Variants in CD2AP observed in about 807,000 individuals in gnomAD.
CD2AP encodes CD2-associated protein.
CD2AP carries 46 observed loss-of-function variants against 85.1 expected under a neutral mutation model. The observed-to-expected ratio is 0.54, with a 90% CI of 0.43 to 0.69. The LOEUF (loss-of-function observed/expected upper bound fraction) is 0.69. Among genes scored for constraint, CD2AP ranks in the 30% least tolerant of loss-of-function variants. The pLI, the probability that CD2AP is intolerant of heterozygous loss-of-function variation, is 0.00. For missense variants in CD2AP, 769 were observed against 729.5 expected, an observed-to-expected ratio of 1.05 and a Z score of -0.62; for synonymous variants, 255 against 252.9, an observed-to-expected ratio of 1.01 and a Z score of -0.08.
At chr6:47,586,183 A>C (rs1768625744) in intron 11 of CD2AP, among the ~76,000 whole-genome samples, 1 of 152,214 alleles carries the variant, frequency 6.6e-6, no homozygotes, top group African/African-American at 2.4e-5. Flanking sequence ...AAAAAGGTAG[A>C]AGAAAATGTG....
At chr6:47,614,278 C>G (rs1036468655) in intron 17 of CD2AP, among the ~76,000 whole-genome samples, 5 of 152,206 alleles carry the variant, frequency 3.3e-5, no homozygotes, top group African/African-American at 1.2e-4. Flanking sequence ...ACATTGCCTT[C>G]CTCTCTGAGC....
At chr6:47,609,440 A>AC (rs1769366512) in intron 16 of CD2AP, 136 bp downstream of exon 16, 2 of 686,530 alleles carry the variant, frequency 2.9e-6, no homozygotes, top group Admixed American at 4.3e-5. Context: ...ACTTTGGGAG[A>AC]CCAAGTTTGG....
At chr6:47,562,644 A>G (rs377249077) in intron 5 of CD2AP, 4 of 494,990 alleles carry the variant, frequency 8.1e-6, no homozygotes, top group South Asian at 3.2e-5. Flanking sequence ...GTTGCTGGAG[A>G]TGTAATGGAT....
intron 3 of CD2AP, among the ~76,000 whole-genome samples, chr6:47,535,944 T>C (rs1024843484): frequency 2.0e-5 from 3 of 152,196 alleles, no homozygotes; most frequent in African/African-American, 7.2e-5. Flanking sequence ...ATTTTTTCAC[T>C]TTCTCTTCTA....
At chr6:47,602,516 T>C (rs533503109) in intron 13 of CD2AP, among the ~76,000 whole-genome samples, 83 of 152,238 alleles carry the variant, frequency 5.5e-4, no homozygotes, top group Middle Eastern at 3.4e-3. Context: ...ATAGCTGTTA[T>C]ATTAAGAAAG....
chr6:47,522,456 A>G (rs1275126214), intron 2 of CD2AP, among the ~76,000 whole-genome samples: 1 of 152,164 alleles, frequency 6.6e-6, no homozygotes, highest in Non-Finnish European at 1.5e-5. Flanking sequence ...TGCTGCTTTA[A>G]AAAATAAGTG....
chr6:47,478,213 G>A lies in CD2AP; in HGVS notation c.-32G>A. On this transcript the variant is annotated 5_prime_UTR_variant, in exon 1 of 18. Transcript: ENST00000359314. ...CACTGGAGGAGGAGGAGGAGGAGCG[G>A]ACGTCGGCTTCTCCCCGCGGGAGCC... 1.9e-6 allele frequency: 3 copies of A among 1,565,524 alleles called. No homozygotes were observed. The highest frequency in any genetic ancestry group is 2.6e-6 in the Non-Finnish European group (3 of 1,155,724).
intron 17 of CD2AP, among the ~76,000 whole-genome samples, chr6:47,623,529 G>A (rs1769818971): frequency 6.6e-6 from 1 of 152,126 alleles, no homozygotes; most frequent in Non-Finnish European, 1.5e-5. Flanking sequence ...TTTGAATATG[G>A]CAGTATTGAA....
intron 2 of CD2AP, among the ~76,000 whole-genome samples, chr6:47,530,327 T>C (rs754952433): frequency 1.3e-5 from 2 of 152,234 alleles, no homozygotes. Flanking sequence ...AGAGGCTCTA[T>C]GTGTTTATCA....
chr6:47,544,750 A>C (rs901105525), intron 4 of CD2AP, 44 bp downstream of exon 4: 3 of 1,114,746 alleles, frequency 2.7e-6, no homozygotes, highest in Non-Finnish European at 4.1e-6. Context: ...ATGGTAATTG[A>C]TGCTATGGAT....
chr6:47,528,577 A>T (rs922031755), intron 2 of CD2AP, among the ~76,000 whole-genome samples: 1 of 152,236 alleles, frequency 6.6e-6, no homozygotes, highest in African/African-American at 2.4e-5. Context: ...CCAGTTGTAA[A>T]TAGTAGTTTA....
chr6:47,494,072 G>A (rs910896780), intron 1 of CD2AP, among the ~76,000 whole-genome samples: 2 of 152,136 alleles, frequency 1.3e-5, no homozygotes, highest in African/African-American at 2.4e-5. Context: ...TCAGATGCTT[G>A]CTTTGTCTCT....
At chr6:47,568,908 A>G (rs1452886469) in intron 5 of CD2AP, among the ~76,000 whole-genome samples, 1 of 152,202 alleles carries the variant, frequency 6.6e-6, no homozygotes, top group Non-Finnish European at 1.5e-5. Context: ...GAAAGCACAG[A>G]AGGAGAGAGC....
intron 17 of CD2AP, among the ~76,000 whole-genome samples, chr6:47,621,030 T>C (rs1309851822): frequency 6.6e-6 from 1 of 152,228 alleles, no homozygotes; most frequent in Admixed American, 6.5e-5. Context: ...TTGGATGCCC[T>C]TTATTTATTT....
chr6:47,562,727 G>A, intron 5 of CD2AP: 1 of 765,730 alleles, frequency 1.3e-6, no homozygotes, highest in Non-Finnish European at 2.3e-6. Flanking sequence ...AGTGAAATTT[G>A]TGAAGCTGGC....
In CD2AP at chr6:47,574,319, A is replaced by T. The variant is rs1186383904; in HGVS notation, c.729+68A>T. 3.1e-5 allele frequency: 45 copies of T among 1,436,996 alleles called. No individual in the cohort carries two copies. The East Asian group carries it at 1.0e-3, about 32-fold the overall frequency. The allele number at this position is 1,436,996 out of a possible 1,614,324, so 89.0% of individuals were successfully genotyped here. On this transcript the variant is annotated intron_variant, in intron 6 of 17. Coordinates refer to ENST00000359314, the MANE Select transcript of CD2AP (RefSeq NM_012120.3). ...CATTAAGCATTTTTTAAAATGTAAA[A>T]GTCAGTTTGTAACTCTGTTAGATTT...
chr6:47,510,427 G>T (rs1017153870), intron 2 of CD2AP, among the ~76,000 whole-genome samples: 9 of 152,264 alleles, frequency 5.9e-5, no homozygotes, highest in African/African-American at 2.2e-4. Flanking sequence ...GGTGTTTGGG[G>T]TAATGAAGAT....
chr6:47,495,923 G>A (rs1268990526), intron 1 of CD2AP, among the ~76,000 whole-genome samples: 1 of 152,082 alleles, frequency 6.6e-6, no homozygotes, highest in African/African-American at 2.4e-5. Flanking sequence ...ACCATACAAG[G>A]ATCTTGGAAC....
At chr6:47,584,365 G>A (rs1307211942) in intron 11 of CD2AP, among the ~76,000 whole-genome samples, 1 of 149,468 alleles carries the variant, frequency 6.7e-6, no homozygotes. Flanking sequence ...ATTTAGGTTT[G>A]TGATTCATTT....
Sources: allele counts gnomAD v4.1 joint callset (sites outside exome capture counted in the v4.1 genomes callset), GRCh38; gene constraint gnomAD v4.1.1; transcripts MANE v1.5; gene names NCBI Gene and HGNC (gene_info 2026-07-23, HGNC 2026-07-21).